Variants in ELMO1 observed in about 807,000 individuals in gnomAD.
ELMO1 encodes the protein engulfment and cell motility 1.
In ELMO1, 26 loss-of-function variants were observed where a neutral mutation model predicts 98.9. The observed-to-expected ratio is 0.26, with a 90% CI of 0.19 to 0.36. The LOEUF (loss-of-function observed/expected upper bound fraction) is 0.36, where lower values mean the gene tolerates loss of function less well. Among genes scored for constraint, ELMO1 ranks in the 10% least tolerant of loss-of-function variants. ELMO1 has a pLI of 1.00. For missense variants in ELMO1, 627 were observed against 935.2 expected, an observed-to-expected ratio of 0.67 and a Z score of 4.30; for synonymous variants, 346 against 346.0, an observed-to-expected ratio of 1.00 and a Z score of 0.00.
chr7:37,179,074 G>A (rs1005363965), intron 13 of ELMO1, among the ~76,000 whole-genome samples: 3 of 152,106 alleles, frequency 2.0e-5, no homozygotes, highest in African/African-American at 7.2e-5. Flanking sequence ...TATTAGCATT[G>A]CCGGAAGCTA....
intron 15 of ELMO1, among the ~76,000 whole-genome samples, chr7:37,054,610 T>G (rs573402046): frequency 2.6e-5 from 4 of 152,230 alleles, no homozygotes; most frequent in Non-Finnish European, 5.9e-5. Context: ...ATTTTTATCA[T>G]TTTGTATAAT....
At chr7:37,336,418 T>TG (rs1800412293) in intron 2 of ELMO1, among the ~76,000 whole-genome samples, 2 of 152,206 alleles carry the variant, frequency 1.3e-5, no homozygotes, top group Admixed American at 1.3e-4. Flanking sequence ...ATGAAACTAG[T>TG]GGTTAGCTGG....
chr7:37,165,851 T>G (rs913688949), intron 13 of ELMO1, among the ~76,000 whole-genome samples: 1 of 152,204 alleles, frequency 6.6e-6, no homozygotes, highest in Non-Finnish European at 1.5e-5. Flanking sequence ...GCTGGCCTCA[T>G]AAAATGAGTT....
intron 16 of ELMO1, among the ~76,000 whole-genome samples, chr7:36,902,765 C>G (rs569750659): frequency 6.6e-6 from 1 of 152,184 alleles, no homozygotes; most frequent in African/African-American, 2.4e-5. Context: ...AGCTTGGGAA[C>G]CTGCATGTTG....
intron 13 of ELMO1, among the ~76,000 whole-genome samples, chr7:37,188,495 A>T (rs199533031): frequency 6.1e-4 from 40 of 65,618 alleles, no homozygotes; most frequent in African/African-American, 8.4e-4. Flanking sequence ...GGTAAAAAAA[A>T]AAAAAAAATA....
chr7:37,353,677 C>G (rs1174952609), intron 1 of ELMO1: 1 of 152,196 alleles, frequency 6.6e-6, no homozygotes, highest in African/African-American at 2.4e-5. Flanking sequence ...ATTCCCTTAT[C>G]TGGCCCCACC....
In ELMO1 at chr7:37,134,525, C is replaced by T. The variant is rs540798046; in HGVS notation, c.1087-1291G>A. Among the ~76,000 whole-genome samples, 4 of 148,984 alleles carry T rather than the reference C, an allele frequency of 2.7e-5. No homozygotes were observed. The East Asian group carries it at 7.9e-4, about 29-fold the overall frequency. Reference sequence around the variant, plus strand: ...AGTGAGTCGAGATCACGCCATTGCACTCCAGCCTGGGCAACAGGGCAAGAC... The same window carrying T: ...AGTGAGTCGAGATCACGCCATTGCATTCCAGCCTGGGCAACAGGGCAAGAC... On this transcript the variant is annotated intron_variant, in intron 13 of 21. Transcript: ENST00000310758.
intron 16 of ELMO1, among the ~76,000 whole-genome samples, chr7:36,938,004 T>C (rs1362049111): frequency 1.3e-5 from 2 of 152,206 alleles, no homozygotes; most frequent in Admixed American, 6.5e-5. Flanking sequence ...AGGAGTACAG[T>C]AGGAGTCCTC....
At chr7:37,180,782 AC>A in intron 13 of ELMO1, among the ~76,000 whole-genome samples, 2 of 149,782 alleles carry the variant, frequency 1.3e-5, no homozygotes, top group Non-Finnish European at 2.9e-5. Context: ...ATATACACAC[AC>A]ACATATGCAC....
At chr7:37,172,876 G>A (rs1790265103) in intron 13 of ELMO1, among the ~76,000 whole-genome samples, 1 of 152,266 alleles carries the variant, frequency 6.6e-6, no homozygotes, top group East Asian at 1.9e-4. Context: ...TTTTCATTGA[G>A]TCCAAATTTC....
At chr7:36,861,146 G>A (rs1261851386) in intron 21 of ELMO1, among the ~76,000 whole-genome samples, 2 of 152,174 alleles carry the variant, frequency 1.3e-5, no homozygotes, top group African/African-American at 2.4e-5. Flanking sequence ...AGCTGACAGC[G>A]TGCTACAAGA....
At chr7:36,959,570 G>A (rs10244965) in intron 16 of ELMO1, among the ~76,000 whole-genome samples, 34,769 of 152,120 alleles carry the variant, frequency 0.23, 5,355 homozygotes, top group African/African-American at 0.43. Context: ...TCCTAAGTGA[G>A]GGGAGGGGCT....
At chr7:36,929,439 C>T (rs1362162603) in intron 16 of ELMO1, among the ~76,000 whole-genome samples, 1 of 152,192 alleles carries the variant, frequency 6.6e-6, no homozygotes, top group Admixed American at 6.5e-5. Context: ...CACATCAAGA[C>T]ACAGGTAAAT....
intron 7 of ELMO1, among the ~76,000 whole-genome samples, chr7:37,233,549 G>A: frequency 6.6e-6 from 1 of 152,260 alleles, no homozygotes; most frequent in South Asian, 2.1e-4. Context: ...TCTAGCCACA[G>A]AGCTACTTAC....
At chr7:37,050,661 A>ACAC (rs1562922933) in intron 15 of ELMO1, among the ~76,000 whole-genome samples, 14 of 116,782 alleles carry the variant, frequency 1.2e-4, no homozygotes, top group African/African-American at 4.2e-4. Flanking sequence ...CACACACACA[A>ACAC]AAGGTAACTA....
In ELMO1 at chr7:37,216,683, T is replaced by C; in HGVS notation, c.793A>G (p.Ile265Val). The C allele has an allele frequency of 6.2e-7, 1 of 1,614,068 alleles. No individual in the cohort carries two copies. The highest frequency in any genetic ancestry group is 2.2e-5 in the East Asian group (1 of 44,860). The change falls in exon 11 of 22, where the codon ATT (isoleucine) becomes GTT (valine). Residue 265 changes from isoleucine (I) to valine (V), a missense_variant. By Grantham distance (29) the Ile-to-Val change is conservative. Coordinates refer to ENST00000310758, the MANE Select transcript of ELMO1 (RefSeq NM_014800.11). ...PDERRQEMAN[I>V]LAQKQLRSII... is the part of the protein sequence containing the mutation. Reference sequence around the variant, plus strand: ...GAACGCAGTTGCTTCTGAGCCAAAATATTCGCCATCTCCTGTGGAAGAAAA... The same window carrying C: ...GAACGCAGTTGCTTCTGAGCCAAAACATTCGCCATCTCCTGTGGAAGAAAA...
chr7:37,086,090 A>G (rs1373713003), intron 15 of ELMO1, among the ~76,000 whole-genome samples: 1 of 152,174 alleles, frequency 6.6e-6, no homozygotes, highest in Non-Finnish European at 1.5e-5. Flanking sequence ...GTGCTCAGCC[A>G]GGCTCTGGAC....
chr7:37,259,306 A>G lies in ELMO1; in HGVS notation c.288T>C (p.Ser96=), dbSNP rs1795859464. ...QQLHERIQSS[S]MDAKLEALKD... ...TCAGGGCTTCCAGCTTGGCATCCATACTCGAGGACTGGATTCGTTCATGGA... is the reference window on the plus strand; with the variant it reads ...TCAGGGCTTCCAGCTTGGCATCCATGCTCGAGGACTGGATTCGTTCATGGA... The change falls in exon 6 of 22, where the codon AGT becomes AGC. Residue 96 remains serine (S), a synonymous_variant. Transcript: ENST00000310758. 6.2e-7 allele frequency: 1 copy of G among 1,613,892 alleles called. No individual in the cohort carries two copies. The highest frequency in any genetic ancestry group is 1.1e-5 in the South Asian group (1 of 91,074).
At chr7:37,294,042 T>C (rs184453638) in intron 4 of ELMO1, among the ~76,000 whole-genome samples, 2 of 152,284 alleles carry the variant, frequency 1.3e-5, no homozygotes, top group African/African-American at 2.4e-5. Context: ...TATCTGATGT[T>C]TTCTCTCATT....
Sources: gnomAD v4.1 joint callset for allele counts (sites outside exome capture counted in the v4.1 genomes callset) on GRCh38, gnomAD v4.1.1 for gene constraint, MANE v1.5 for transcripts, NCBI Gene and HGNC (gene_info 2026-07-23, HGNC 2026-07-21) for gene names.